The following AGBL1 variants were observed in gnomAD, a reference collection of about 807,000 sequenced individuals.
AGBL1 encodes the protein cytosolic carboxypeptidase 4.
In AGBL1, 130 loss-of-function variants were observed where a neutral mutation model predicts 118.9. That is an observed-to-expected ratio of 1.09 (90% CI 0.95 to 1.26). AGBL1 has a LOEUF of 1.26. Ranked by LOEUF, AGBL1 falls within the 50% of genes most tolerant of loss-of-function variation. The pLI is 0.00. For synonymous variants in AGBL1, 555 were observed against 478.9 expected, an observed-to-expected ratio of 1.16 and a Z score of -2.08; for missense variants, 1,584 against 1,298.1, an observed-to-expected ratio of 1.22 and a Z score of -3.38.
chr15:86,677,576 T>A (rs1308306253), intron 22 of AGBL1, among the ~76,000 whole-genome samples: 2 of 152,132 alleles, frequency 1.3e-5, no homozygotes, highest in South Asian at 4.1e-4. Context: ...CTCCACTGCC[T>A]CTTGCTCTTC....
intron 22 of AGBL1, among the ~76,000 whole-genome samples, chr15:86,849,513 C>CTTTTTT (rs1432477083): frequency 1.1e-5 from 1 of 87,710 alleles, no homozygotes; most frequent in Admixed American, 1.2e-4. Context: ...TTCTTTCTTT[C>CTTTTTT]TTTCTTTTTT....
chr15:86,152,550 A>C (rs1317970682), intron 3 of AGBL1, among the ~76,000 whole-genome samples: 1 of 152,190 alleles, frequency 6.6e-6, no homozygotes, highest in Non-Finnish European at 1.5e-5. Context: ...TAGACCTAAA[A>C]CCATAAAAAC....
chr15:86,902,919 T>C (rs765401670), intron 22 of AGBL1, among the ~76,000 whole-genome samples: 12 of 152,200 alleles, frequency 7.9e-5, no homozygotes, highest in Non-Finnish European at 1.2e-4. Context: ...GGGGTTTTTC[T>C]AAGTTTCTTG....
At chr15:86,368,231 G>T (rs954961147) in intron 17 of AGBL1, among the ~76,000 whole-genome samples, 1 of 151,874 alleles carries the variant, frequency 6.6e-6, no homozygotes, top group African/African-American at 2.4e-5. Context: ...CTGAAGGTGA[G>T]GGAAGACAAA....
At chr15:86,548,106 A>C (rs1273850097) in intron 20 of AGBL1, among the ~76,000 whole-genome samples, 1 of 152,280 alleles carries the variant, frequency 6.6e-6, no homozygotes, top group Non-Finnish European at 1.5e-5. Context: ...CTCATTTTAC[A>C]GATGGGAAAA....
At chr15:86,423,311 C>T (rs947611921) in intron 18 of AGBL1, among the ~76,000 whole-genome samples, 1 of 152,136 alleles carries the variant, frequency 6.6e-6, no homozygotes, top group Admixed American at 6.6e-5. Flanking sequence ...AGAAACAGAA[C>T]CAATGACAAA....
intron 19 of AGBL1, among the ~76,000 whole-genome samples, chr15:86,542,104 T>C (rs1269576808): frequency 2.0e-5 from 3 of 152,198 alleles, no homozygotes; most frequent in Non-Finnish European, 4.4e-5. Context: ...GGTGGTTGAA[T>C]GAATGTTGTG....
chr15:86,310,736 C>T (rs2141822631), intron 17 of AGBL1, among the ~76,000 whole-genome samples: 1 of 152,284 alleles, frequency 6.6e-6, no homozygotes, highest in African/African-American at 2.4e-5. Flanking sequence ...GCCACAGAAG[C>T]TGGCCTGGCA....
At chr15:86,736,296 C>T (rs1384637538) in intron 22 of AGBL1, among the ~76,000 whole-genome samples, 1 of 151,950 alleles carries the variant, frequency 6.6e-6, no homozygotes, top group Admixed American at 6.6e-5. Context: ...AGGAGAATGG[C>T]TTGAACCCGG....
chr15:86,285,471 C>G (rs2141737059), intron 16 of AGBL1, among the ~76,000 whole-genome samples: 1 of 152,202 alleles, frequency 6.6e-6, no homozygotes, highest in East Asian at 1.9e-4. Flanking sequence ...GTGAATAAGT[C>G]TCATGAGATC....
At chr15:87,002,137 T>G (rs1461371439) in intron 24 of AGBL1, among the ~76,000 whole-genome samples, 2 of 152,066 alleles carry the variant, frequency 1.3e-5, no homozygotes, top group African/African-American at 4.8e-5. Flanking sequence ...CTTTAATCCA[T>G]CTTGAATTAA....
intron 5 of AGBL1, among the ~76,000 whole-genome samples, chr15:86,216,792 C>T (rs1294272773): frequency 6.6e-6 from 1 of 152,162 alleles, no homozygotes; most frequent in African/African-American, 2.4e-5. Context: ...GTAGAGAATC[C>T]TCCACTTACG....
chr15:86,807,824 T>C (rs2078739214), intron 22 of AGBL1, among the ~76,000 whole-genome samples: 1 of 152,234 alleles, frequency 6.6e-6, no homozygotes, highest in East Asian at 1.9e-4. Context: ...TGTTATCAAA[T>C]AAAAAATTGT....
intron 22 of AGBL1, among the ~76,000 whole-genome samples, chr15:86,710,167 T>G (rs573334301): frequency 1.5e-4 from 10 of 66,904 alleles, no homozygotes; most frequent in African/African-American, 4.8e-4. Flanking sequence ...GAGGCTGATT[T>G]GCTGAACTTA....
At chr15:86,491,091 A>G (rs1169334799) in intron 18 of AGBL1, among the ~76,000 whole-genome samples, 2 of 152,130 alleles carry the variant, frequency 1.3e-5, no homozygotes, top group Non-Finnish European at 2.9e-5. Flanking sequence ...GACACATATA[A>G]GAACGAGTTC....
In AGBL1 at chr15:86,317,514, C is replaced by T. The variant is rs145177836; in HGVS notation, c.2374+22106C>T. ...CTTTCAGGCAGTATGAATGATGAAT[C>T]GGCACCACTCCCTTGGGGTGATGAA... On this transcript the variant is annotated intron_variant, in intron 17 of 22. Coordinates refer to ENST00000614907, the MANE Select transcript of AGBL1 (RefSeq NM_001386094.1). Among the ~76,000 whole-genome samples, 579 of 152,254 alleles carry T rather than the reference C, an allele frequency of 3.8e-3. 3 individuals carry two copies. The highest frequency in any genetic ancestry group is 0.013 in the African/African-American group (553 of 41,542).
intron 24 of AGBL1, among the ~76,000 whole-genome samples, chr15:87,002,639 C>T (rs1358183708): frequency 3.3e-5 from 5 of 152,204 alleles, no homozygotes; most frequent in Non-Finnish European, 7.4e-5. Flanking sequence ...TTGTTTGTGT[C>T]CTCCTTTATT....
At chr15:86,852,151 G>T (rs1181517020) in intron 22 of AGBL1, among the ~76,000 whole-genome samples, 2 of 152,220 alleles carry the variant, frequency 1.3e-5, no homozygotes, top group East Asian at 1.9e-4. Context: ...CCGCATGGCT[G>T]GAGAGGCCTC....
At chr15:86,183,208 G>T (rs762394939) in intron 5 of AGBL1, among the ~76,000 whole-genome samples, 4 of 152,100 alleles carry the variant, frequency 2.6e-5, no homozygotes, top group Non-Finnish European at 4.4e-5. Flanking sequence ...TTCCATTCCT[G>T]TTTCTCAGAA....
Sources: gnomAD v4.1 joint callset for allele counts (sites outside exome capture counted in the v4.1 genomes callset) on GRCh38, gnomAD v4.1.1 for gene constraint, MANE v1.5 for transcripts, NCBI Gene and HGNC (gene_info 2026-07-23, HGNC 2026-07-21) for gene names.